CHD2: variants seen among roughly 807,000 people sequenced by gnomAD.
CHD2 encodes ATP-dependent chromatin remodeler CHD2.
In CHD2, 28 loss-of-function variants were observed where a neutral mutation model predicts 243.9. That is an observed-to-expected ratio of 0.11 (90% CI 0.09 to 0.16). The LOEUF (loss-of-function observed/expected upper bound fraction) is 0.16. CHD2 is among the 10% of genes least tolerant of loss of function. The pLI is 1.00. For missense variants in CHD2, 1,386 were observed against 2,209.8 expected (o/e 0.63, Z 7.47); for synonymous variants, 775 against 779.0 (o/e 0.99, Z 0.09).
chr15:92,990,322 TAGTGCA>T (rs1202964415), intron 26 of CHD2, among the ~76,000 whole-genome samples: 2 of 152,202 alleles, frequency 1.3e-5, no homozygotes, highest in Non-Finnish European at 2.9e-5. Context: ...GGGGTGGGAA[TAGTGCA>T]AGTTAAAAAA....
chr15:92,972,261 T>G lies in CHD2; in HGVS notation c.2353-4T>G. The G allele has an allele frequency of 6.2e-7, 1 of 1,606,772 alleles. No homozygotes were observed. On this transcript the variant is annotated splice_polypyrimidine_tract_variant and splice_region_variant and intron_variant, in intron 18 of 38. Coordinates refer to ENST00000394196, the MANE Select transcript of CHD2 (RefSeq NM_001271.4). ...AATTATTGGAATGTCTTTTAAATCT[T>G]CAGTCCCTCATAAGGAGCAGTGGGA...
At chr15:93,009,059 G>C (rs2054358433) in intron 34 of CHD2, 86 bp from the exon 35 acceptor site, 6 of 1,439,574 alleles carry the variant, frequency 4.2e-6, no homozygotes, top group Non-Finnish European at 5.7e-6. Flanking sequence ...GGGGTGGGCT[G>C]TGTTTTCATC....
chr15:92,995,906 G>A (rs2054181303), intron 28 of CHD2, among the ~76,000 whole-genome samples: 1 of 152,078 alleles, frequency 6.6e-6, no homozygotes, highest in Non-Finnish European at 1.5e-5. Flanking sequence ...TTAAACGTTT[G>A]GAGTTTTGCC....
chr15:92,975,955 C>T (rs1407944574), intron 20 of CHD2, among the ~76,000 whole-genome samples: 2 of 152,276 alleles, frequency 1.3e-5, no homozygotes, highest in Admixed American at 1.3e-4. Flanking sequence ...TTCCTTGCTC[C>T]TTGTTTCCTC....
chr15:92,984,295 A>G lies in CHD2; in HGVS notation c.3067-35A>G, dbSNP rs757191007. 7.5e-6 allele frequency: 11 copies of G among 1,470,002 alleles called. No individual in the cohort carries two copies. The South Asian group carries it at 1.6e-4, about 21-fold the overall frequency. The allele number at this position is 1,470,002 out of a possible 1,614,324, so 91.1% of individuals were successfully genotyped here. A position where few individuals can be genotyped will look rare whatever the true frequency, so the allele number is the denominator to read the frequency against. On this transcript the variant is annotated intron_variant, in intron 24 of 38. Transcript: ENST00000394196. Reference sequence around the variant, plus strand: ...GTTTTAGTAGATGGTGTTTAGAAATAGGGAAATGTCAGACAATGGGTTGTC... The same window carrying G: ...GTTTTAGTAGATGGTGTTTAGAAATGGGGAAATGTCAGACAATGGGTTGTC...
At chr15:92,932,443 T>TCCC (rs11309319) in intron 5 of CHD2, among the ~76,000 whole-genome samples, 2 of 103,294 alleles carry the variant, frequency 1.9e-5, no homozygotes, top group Admixed American at 1.1e-4. Flanking sequence ...CCCTTCCCCC[T>TCCC]CCCCCCCACC....
intron 9 of CHD2, chr15:92,943,299 A>G: frequency 8.0e-6 from 4 of 500,656 alleles, no homozygotes; most frequent in Non-Finnish European, 1.4e-5. Flanking sequence ...CGTTATTCAC[A>G]CATTCTTTAG....
chr15:92,987,437 TAAAAATAC>T (rs2054057715), intron 26 of CHD2, among the ~76,000 whole-genome samples: 1 of 151,842 alleles, frequency 6.6e-6, no homozygotes, highest in Non-Finnish European at 1.5e-5. Context: ...CTCTCTCTAC[TAAAAATAC>T]AAAAAATTAG....
In CHD2 at chr15:92,998,698, C is replaced by A; in HGVS notation, c.4008+77C>A. On this transcript the variant is annotated intron_variant, in intron 31 of 38. Coordinates refer to ENST00000394196, the MANE Select transcript of CHD2 (RefSeq NM_001271.4). The surrounding 1 kb of genome is among the most constrained non-coding windows in gnomAD (Gnocchi z 5.1). Reference sequence around the variant, plus strand: ...GCAGAATTAGGTAGGAAGAGAGAGGCCCTCTCTGAGCACTGCACAGAATGT... The same window carrying A: ...GCAGAATTAGGTAGGAAGAGAGAGGACCTCTCTGAGCACTGCACAGAATGT... 3.9e-6 allele frequency: 6 copies of A among 1,541,724 alleles called. No homozygotes were observed. Among genetic ancestry groups the A allele is most frequent in the Non-Finnish European group, 5.3e-6 (6 of 1,133,254 alleles).
At chr15:92,929,315 C>T (rs533613401) in intron 5 of CHD2, among the ~76,000 whole-genome samples, 3 of 152,048 alleles carry the variant, frequency 2.0e-5, no homozygotes, top group Admixed American at 6.6e-5. Context: ...CACGTATACT[C>T]GAGCTTTTGC....
At chr15:93,017,086 ATTGCTATAATCT>A (rs1340486699) in intron 37 of CHD2, among the ~76,000 whole-genome samples, 10 of 152,226 alleles carry the variant, frequency 6.6e-5, no homozygotes, top group Non-Finnish European at 1.3e-4. Context: ...AAGAGTGTGA[ATTGCTATAATCT>A]TTGCAGAAAA....
At chr15:92,944,625 C>T (rs2053432906) in intron 10 of CHD2, 110 bp downstream of exon 10, 1 of 437,648 alleles carries the variant, frequency 2.3e-6, no homozygotes, top group Non-Finnish European at 4.1e-6. Flanking sequence ...TAGACACGTG[C>T]TAGGTTTATT....
intron 16 of CHD2, among the ~76,000 whole-genome samples, chr15:92,960,705 G>GGTT (rs2053673893): frequency 1.9e-5 from 1 of 51,452 alleles, no homozygotes; most frequent in Non-Finnish European, 3.7e-5. Flanking sequence ...TCTGTTTGGT[G>GGTT]TTTTTTTTTT....
At chr15:92,916,001 C>T (rs1195518933) in intron 2 of CHD2, among the ~76,000 whole-genome samples, 1 of 135,772 alleles carries the variant, frequency 7.4e-6, no homozygotes, top group African/African-American at 2.7e-5. Flanking sequence ...GCATAAATGA[C>T]TATGCCTCTA....
chr15:92,962,573 CCTGGAG>C (rs2053704820), intron 16 of CHD2, among the ~76,000 whole-genome samples: 1 of 152,078 alleles, frequency 6.6e-6, no homozygotes, highest in Non-Finnish European at 1.5e-5. Flanking sequence ...TGCTTTCTTT[CCTGGAG>C]ACTGTCCGAT....
chr15:92,933,974 C>T (rs2053221638), intron 5 of CHD2, among the ~76,000 whole-genome samples: 1 of 152,188 alleles, frequency 6.6e-6, no homozygotes, highest in Non-Finnish European at 1.5e-5. Flanking sequence ...CCCTATTAGC[C>T]TCAGATTTCT....
Position 92,992,992 on chromosome 15 carries a change from A to C in CHD2, c.3589A>C (p.Ser1197Arg), listed in dbSNP as rs779505516. ...EYEEQLKENA[S>R]EGKGPGKRRG... ...CGAAGAGCAGCTGAAAGAAAATGCC[A>C]GCGAGGGTAAGCGAAGTTGGCTTTA... Residue 1197 changes from serine to arginine, a missense_variant, in exon 28 of 39, where the codon AGC becomes CGC. Physicochemically the swap from Ser to Arg is moderately radical, Grantham distance 110. Around this residue, in one of 19 missense-constraint regions of CHD2, gnomAD observed 99 missense variants for 176.9 expected, o/e 0.56. Transcript: ENST00000394196. 1 of 1,613,462 alleles carries C rather than the reference A, an allele frequency of 6.2e-7. No homozygotes were observed. Among genetic ancestry groups the C allele is most frequent in the Non-Finnish European group, 8.5e-7 (1 of 1,180,002 alleles).
rs1567169456 is a variant in CHD2 at position 93,026,424 on chromosome 15, G to C, written c.*1719G>C. 6.6e-6 allele frequency: 1 copy of C among 152,282 alleles called. No homozygotes were observed. 9.4% of individuals were successfully genotyped at this position (152,282 alleles called of 1,614,324 possible). A position where few individuals can be genotyped will look rare whatever the true frequency, so the allele number is the denominator to read the frequency against. ...TGTGACCCTTGCTCCCTGCTACACA[G>C]AGCATCGCAGGGCTGGCCTGTGTGG... On this transcript the variant is annotated 3_prime_UTR_variant, in exon 39 of 39. Transcript: ENST00000394196.
chr15:93,021,971 T>C (rs990996306), intron 38 of CHD2: 8 of 152,236 alleles, frequency 5.3e-5, no homozygotes, highest in African/African-American at 1.4e-4. Context: ...TGCAGGTTAT[T>C]TGGAAGCAGT....
Sources: allele counts gnomAD v4.1 joint callset (sites outside exome capture counted in the v4.1 genomes callset), GRCh38; gene constraint gnomAD v4.1.1; regional missense constraint gnomAD v4.1.1; non-coding constraint Gnocchi (gnomAD v3.1); transcripts MANE v1.5; gene names NCBI Gene and HGNC (gene_info 2026-07-23, HGNC 2026-07-21).